Variants in PPFIBP2 observed in about 807,000 individuals in gnomAD.
PPFIBP2 encodes liprin-beta-2.
PPFIBP2 carries 118 observed loss-of-function variants against 118.3 expected under a neutral mutation model. That is an observed-to-expected ratio of 1.00 (90% CI 0.86 to 1.16). PPFIBP2 has a LOEUF of 1.16. Among genes scored for constraint, PPFIBP2 ranks in the 50% most tolerant of loss-of-function variants. The pLI is 0.00. For missense variants in PPFIBP2, 1,195 were observed against 1,073.1 expected, an observed-to-expected ratio of 1.11 and a Z score of -1.59; for synonymous variants, 414 against 397.4, an observed-to-expected ratio of 1.04 and a Z score of -0.50.
At chr11:7,611,289 A>G (rs1848044567) in intron 6 of PPFIBP2, among the ~76,000 whole-genome samples, 1 of 152,184 alleles carries the variant, frequency 6.6e-6, no homozygotes. Flanking sequence ...CGTGAAAGTT[A>G]AGTACCTGTC....
chr11:7,597,131 A>G lies in PPFIBP2; in HGVS notation c.373-429A>G, dbSNP rs575719176. ...TGAGCAGTCCTCACACCCTTATGAG[A>G]GAGGTAAGGTCATTGGTTAGTTTCC... On this transcript the variant is annotated intron_variant, in intron 4 of 23. Coordinates refer to ENST00000299492, the MANE Select transcript of PPFIBP2 (RefSeq NM_003621.5). 92 of 1,417,330 alleles carry G rather than the reference A, an allele frequency of 6.5e-5. 1 individual carries two copies. The African/African-American group carries it at 1.1e-3, about 16-fold the overall frequency. 87.8% of individuals were successfully genotyped at this position (1,417,330 alleles called of 1,614,324 possible). A position where few individuals can be genotyped will look rare whatever the true frequency, so the allele number is the denominator to read the frequency against.
the PPFIBP2 span, among the ~76,000 whole-genome samples, chr11:7,663,082 C>T: frequency 1.5e-5 from 2 of 130,628 alleles, 1 homozygote; most frequent in Non-Finnish European, 3.6e-5. Flanking sequence ...ACTTCTTTGC[C>T]TTTGGTTTGA....
chr11:7,600,403 C>G (rs1396708686), intron 5 of PPFIBP2, among the ~76,000 whole-genome samples: 1 of 152,226 alleles, frequency 6.6e-6, no homozygotes, highest in Non-Finnish European at 1.5e-5. Context: ...AGTGCTGATG[C>G]AATATCTCTG....
intron 5 of PPFIBP2, chr11:7,598,206 G>T (rs1860754999): frequency 4.8e-6 from 1 of 208,754 alleles, no homozygotes; most frequent in African/African-American, 2.4e-5. Context: ...TTTTGTCCTT[G>T]TTATGTGTAC....
At chr11:7,605,964 A>C (rs1296117706) in intron 5 of PPFIBP2, 1 of 1,534,664 alleles carries the variant, frequency 6.5e-7, no homozygotes, top group African/African-American at 1.4e-5. Flanking sequence ...ACTGAATGGG[A>C]AAGTTAATAA....
At chr11:7,648,953 A>G in intron 19 of PPFIBP2, 42 bp downstream of exon 19, 1 of 1,545,274 alleles carries the variant, frequency 6.5e-7, no homozygotes, top group Non-Finnish European at 8.9e-7. Context: ...CTCTGGCAGC[A>G]ACTAAGAGTA....
At chr11:7,547,635 G>A (rs572311205) in intron 1 of PPFIBP2, among the ~76,000 whole-genome samples, 3 of 152,188 alleles carry the variant, frequency 2.0e-5, no homozygotes, top group South Asian at 2.1e-4. Context: ...GCTCTGTAGC[G>A]GCCTGGCTGC....
the PPFIBP2 span, chr11:7,666,088 G>A: frequency 1.5e-6 from 1 of 645,198 alleles, no homozygotes. Flanking sequence ...AAGGGGTGTG[G>A]TGGCCGTAAG....
intron 17 of PPFIBP2, 54 bp from the exon 18 acceptor site, chr11:7,648,333 T>G: frequency 6.5e-7 from 1 of 1,548,588 alleles, no homozygotes; most frequent in East Asian, 2.3e-5. Flanking sequence ...ATGATTAGAT[T>G]CAGAACCTCA....
At chr11:7,660,586 A>G (rs1854869130), downstream of PPFIBP2, among the ~76,000 whole-genome samples, 1 of 150,488 alleles carries the variant, frequency 6.6e-6, no homozygotes, top group African/African-American at 2.4e-5. Flanking sequence ...AATGTTCATC[A>G]AGGATATTGG....
chr11:7,628,150 C>T, intron 8 of PPFIBP2, 135 bp from the exon 9 acceptor site: 1 of 668,990 alleles, frequency 1.5e-6, no homozygotes, highest in Non-Finnish European at 2.5e-6. Flanking sequence ...CAGACACCAT[C>T]CCGGCCTCTT....
intron 2 of PPFIBP2, among the ~76,000 whole-genome samples, chr11:7,556,317 T>C (rs1159375443): frequency 6.6e-6 from 1 of 152,044 alleles, no homozygotes; most frequent in Non-Finnish European, 1.5e-5. Flanking sequence ...TAGCCGGGTG[T>C]GGTGGCGGGC....
chr11:7,529,648 A>G (rs1013711323), intron 1 of PPFIBP2, among the ~76,000 whole-genome samples: 5 of 152,020 alleles, frequency 3.3e-5, no homozygotes, highest in African/African-American at 7.2e-5. Context: ...CCCTAACCCT[A>G]CAGAGCCCAG....
At chr11:7,583,737 A>G (rs1267836277) in intron 3 of PPFIBP2, among the ~76,000 whole-genome samples, 1 of 152,226 alleles carries the variant, frequency 6.6e-6, no homozygotes, top group East Asian at 1.9e-4. Flanking sequence ...AAGATCAGTT[A>G]GGAGCTTCAT....
At chr11:7,540,508 G>A (rs1487796718) in intron 1 of PPFIBP2, among the ~76,000 whole-genome samples, 3 of 152,208 alleles carry the variant, frequency 2.0e-5, no homozygotes, top group Non-Finnish European at 4.4e-5. Flanking sequence ...CCCATTGTGA[G>A]AATATAGAGA....
intron 1 of PPFIBP2, among the ~76,000 whole-genome samples, chr11:7,548,192 A>G (rs1028681923): frequency 6.6e-6 from 1 of 152,232 alleles, no homozygotes; most frequent in Non-Finnish European, 1.5e-5. Context: ...AACTCAAGCT[A>G]TCTGACTTTG....
intron 3 of PPFIBP2, among the ~76,000 whole-genome samples, chr11:7,589,582 ACT>A (rs1377808895): frequency 2.7e-5 from 4 of 150,492 alleles, no homozygotes; most frequent in South Asian, 2.1e-4. Context: ...ACAGAACAAG[ACT>A]CTGTCTCAAA....
intron 5 of PPFIBP2, among the ~76,000 whole-genome samples, chr11:7,605,116 A>AT (rs1479753961): frequency 6.6e-6 from 1 of 152,248 alleles, no homozygotes; most frequent in African/African-American, 2.4e-5. Context: ...ATTCTGAACT[A>AT]GGGAACAGTT....
intron 2 of PPFIBP2, among the ~76,000 whole-genome samples, chr11:7,560,628 G>C (rs774578717): frequency 2.6e-5 from 4 of 152,142 alleles, no homozygotes; most frequent in Non-Finnish European, 4.4e-5. Context: ...TTGACTACGT[G>C]TCTGGTTATA....
Sources: allele counts gnomAD v4.1 joint callset (sites outside exome capture counted in the v4.1 genomes callset), GRCh38; gene constraint gnomAD v4.1.1; transcripts MANE v1.5; gene names NCBI Gene and HGNC (gene_info 2026-07-23, HGNC 2026-07-21).